The following BAZ2B variants were observed in gnomAD, a reference collection of about 807,000 sequenced individuals.
BAZ2B encodes bromodomain adjacent to zinc finger domain 2B, also known as bromodomain adjacent to zinc finger domain protein 2B.
Under a neutral mutation model 246.0 loss-of-function variants are expected in BAZ2B, and 91 were observed. The ratio of observed to expected loss-of-function variants is 0.37; its 90% CI spans 0.31 to 0.44. BAZ2B has a LOEUF of 0.44. Ranked by LOEUF, BAZ2B falls within the 20% of genes least tolerant of loss-of-function variation. The probability of loss-of-function intolerance (pLI) is 1.00; values close to 1 mark genes in which losing one functional copy is unlikely to be tolerated. For missense variants in BAZ2B, 2,332 were observed against 2,533.7 expected (o/e 0.92, Z 1.71); for synonymous variants, 855 against 860.0 (o/e 0.99, Z 0.10).
At chr2:159,405,175 A>G (rs551847392) in intron 14 of BAZ2B, 61 bp from the exon 15 acceptor site, 28 of 1,383,330 alleles carry the variant, frequency 2.0e-5, no homozygotes, top group South Asian at 1.2e-4. Context: ...ACCAAAAACA[A>G]TAACTGTGTG....
At chr2:159,654,180 T>C in the BAZ2B span, among the ~76,000 whole-genome samples, 1 of 152,158 alleles carries the variant, frequency 6.6e-6, no homozygotes, top group Non-Finnish European at 1.5e-5. Context: ...AATAAAAAGA[T>C]AGCCGTTTCC....
chr2:159,504,171 T>G (rs2082100792), intron 2 of BAZ2B, among the ~76,000 whole-genome samples: 1 of 151,982 alleles, frequency 6.6e-6, no homozygotes, highest in Admixed American at 6.6e-5. Flanking sequence ...TTTAATTTAT[T>G]ATTATTATAC....
the BAZ2B span, among the ~76,000 whole-genome samples, chr2:159,701,287 G>A: frequency 6.6e-6 from 1 of 151,996 alleles, no homozygotes; most frequent in South Asian, 2.1e-4. Context: ...TTAAAACAAA[G>A]TTAATTTAGT....
chr2:159,351,254 G>A (rs1237824270), intron 27 of BAZ2B, among the ~76,000 whole-genome samples: 1 of 151,908 alleles, frequency 6.6e-6, no homozygotes, highest in Non-Finnish European at 1.5e-5. Context: ...CTGCTAGAGG[G>A]TTTTATTGAA....
Position 159,457,491 on chromosome 2 carries a change from G to A in BAZ2B, c.146-3690C>T, listed in dbSNP as rs182445128. 8.5e-4 allele frequency among the ~76,000 whole-genome samples: 130 copies of A among 152,266 alleles called. 1 individual carries two copies. Among genetic ancestry groups the A allele is most frequent in the African/African-American group, 2.9e-3 (119 of 41,566 alleles). Reference sequence around the variant, plus strand: ...CAAAGGCTTTCAATCAGAACAAAAAGCTGTCTTGAGTCTTTAGGCAAACTT... The same window carrying A: ...CAAAGGCTTTCAATCAGAACAAAAAACTGTCTTGAGTCTTTAGGCAAACTT... On this transcript the variant is annotated intron_variant, in intron 3 of 36. Coordinates refer to ENST00000392783, the MANE Select transcript of BAZ2B (RefSeq NM_013450.4).
At chr2:159,588,918 G>C (rs1688670870) in intron 1 of BAZ2B, among the ~76,000 whole-genome samples, 1 of 152,130 alleles carries the variant, frequency 6.6e-6, no homozygotes, top group African/African-American at 2.4e-5. Context: ...CTCTACCTTA[G>C]GGAGATATAC....
intron 2 of BAZ2B, among the ~76,000 whole-genome samples, chr2:159,515,327 T>C (rs978547411): frequency 6.6e-6 from 1 of 152,062 alleles, no homozygotes; most frequent in Non-Finnish European, 1.5e-5. Flanking sequence ...CTTTACTAAA[T>C]CACCTTTAAG....
At chr2:159,703,852 A>G in the BAZ2B span, among the ~76,000 whole-genome samples, 1 of 152,316 alleles carries the variant, frequency 6.6e-6, no homozygotes, top group Non-Finnish European at 1.5e-5. Context: ...TCAACAGAAC[A>G]AGACCCTGTC....
intron 14 of BAZ2B, among the ~76,000 whole-genome samples, chr2:159,407,568 G>A (rs1321973553): frequency 6.6e-6 from 1 of 152,128 alleles, no homozygotes; most frequent in Non-Finnish European, 1.5e-5. Flanking sequence ...AGCTAAGAAC[G>A]TAACCATATG....
chr2:159,515,532 G>A (rs2083346887), intron 2 of BAZ2B, among the ~76,000 whole-genome samples: 1 of 152,036 alleles, frequency 6.6e-6, no homozygotes. Flanking sequence ...TTTCCTATGT[G>A]CAGAGTCAGT....
At position 159,428,037 on chromosome 2, in the gene BAZ2B, G is replaced by A; in HGVS notation, c.2370C>T (p.Leu790=). ...AGATATCCATTATTCCATTTCTGCT[G>A]AGATACTGAAAAAATCACATATTTT... ...LRQYPEVIKY[L]SRNGIMDISR... The change falls in exon 13 of 37, where the codon CTC becomes CTT. Residue 790 remains leucine (L), a synonymous_variant. Coordinates refer to ENST00000392783, the MANE Select transcript of BAZ2B (RefSeq NM_013450.4). The A allele has an allele frequency of 6.2e-7, 1 of 1,612,398 alleles. No individual in the cohort carries two copies. Among genetic ancestry groups the A allele is most frequent in the Non-Finnish European group, 8.5e-7 (1 of 1,178,854 alleles).
chr2:159,497,433 C>T (rs2081280472), intron 2 of BAZ2B, among the ~76,000 whole-genome samples: 1 of 152,202 alleles, frequency 6.6e-6, no homozygotes, highest in Non-Finnish European at 1.5e-5. Flanking sequence ...ATAGGACTTC[C>T]TGATGTTGAG....
At chr2:159,661,904 C>G in the BAZ2B span, among the ~76,000 whole-genome samples, 2 of 152,158 alleles carry the variant, frequency 1.3e-5, no homozygotes, top group African/African-American at 4.8e-5. Context: ...AGCCACCATG[C>G]CTGGCCAACA....
chr2:159,652,234 A>T, the BAZ2B span, among the ~76,000 whole-genome samples: 9,490 of 137,654 alleles, frequency 0.069, 392 homozygotes, highest in Middle Eastern at 0.15. Flanking sequence ...TTTGAGATGG[A>T]GTTTTGCTCT....
chr2:159,501,198 T>C (rs1348033340), intron 2 of BAZ2B, among the ~76,000 whole-genome samples: 1 of 106,376 alleles, frequency 9.4e-6, no homozygotes, highest in Non-Finnish European at 1.8e-5. Flanking sequence ...ATATAATATA[T>C]ATATTTTTAT....
chr2:159,400,741 A>C, intron 16 of BAZ2B, 77 bp from the exon 17 acceptor site: 1 of 907,246 alleles, frequency 1.1e-6, no homozygotes, highest in Non-Finnish European at 1.7e-6. Context: ...GAATCAAATA[A>C]TTAAAAATAT....
At chr2:159,586,046 G>A (rs931739405) in intron 1 of BAZ2B, among the ~76,000 whole-genome samples, 31 of 152,264 alleles carry the variant, frequency 2.0e-4, no homozygotes, top group Admixed American at 4.6e-4. Context: ...GAATCTGAAT[G>A]TACAAGTCAG....
intron 1 of BAZ2B, among the ~76,000 whole-genome samples, chr2:159,582,437 A>T (rs889557972): frequency 6.6e-6 from 1 of 152,196 alleles, no homozygotes; most frequent in Non-Finnish European, 1.5e-5. Context: ...GAGACTCTGT[A>T]GCTCACGCTG....
chr2:159,641,827 CTTAGT>C, the BAZ2B span, among the ~76,000 whole-genome samples: 1 of 152,064 alleles, frequency 6.6e-6, no homozygotes, highest in Non-Finnish European at 1.5e-5. Flanking sequence ...ATAAACATAC[CTTAGT>C]TATCTCTCAA....
Sources: gnomAD v4.1 joint callset for allele counts (sites outside exome capture counted in the v4.1 genomes callset) on GRCh38, gnomAD v4.1.1 for gene constraint, MANE v1.5 for transcripts, NCBI Gene and HGNC (gene_info 2026-07-23, HGNC 2026-07-21) for gene names.